Variants in PPP2R1A observed in about 807,000 individuals in gnomAD.
PPP2R1A encodes protein phosphatase 2 scaffold subunit Aalpha.
PPP2R1A carries 15 observed loss-of-function variants against 67.1 expected under a neutral mutation model. That is an observed-to-expected ratio of 0.22 (90% CI 0.15 to 0.34). The LOEUF is 0.34. PPP2R1A is among the 10% of genes least tolerant of loss of function. PPP2R1A has a pLI of 1.00. For synonymous variants in PPP2R1A, 337 were observed against 325.0 expected (o/e 1.04, Z -0.40); for missense variants, 369 against 775.0 (o/e 0.48, Z 6.22).
chr19:52,215,659 T>G (rs1978521557), intron 6 of PPP2R1A, 120 bp from the exon 7 acceptor site: 3 of 762,920 alleles, frequency 3.9e-6, no homozygotes, highest in Non-Finnish European at 6.6e-6. Flanking sequence ...ATTTTAGCAC[T>G]GCTTCCAAGG....
At position 52,213,288 on chromosome 19, in the gene PPP2R1A, A is replaced by G. The variant is rs953635172; in HGVS notation, c.807+178A>G. Among the ~76,000 whole-genome samples, 1 of 152,018 alleles carries G rather than the reference A, an allele frequency of 6.6e-6. No homozygotes were observed. On this transcript the variant is annotated intron_variant, in intron 6 of 14. Coordinates refer to ENST00000322088, the MANE Select transcript of PPP2R1A (RefSeq NM_014225.6). The surrounding 1 kb of genome is among the most constrained non-coding windows in gnomAD (Gnocchi z 4.2). ...CGTGTGCCAATCCTGGTTGATTGAC[A>G]TGGCATCTTAAAGTGCTGCCTTGAG...
At chr19:52,222,001 G>A in intron 12 of PPP2R1A, 98 bp from the exon 13 acceptor site, 1 of 1,278,190 alleles carries the variant, frequency 7.8e-7, no homozygotes, top group Non-Finnish European at 1.1e-6. Flanking sequence ...GCCTCTGTGG[G>A]GCCTGATGAT....
chr19:52,190,711 CG>C (rs372927606), intron 1 of PPP2R1A, among the ~76,000 whole-genome samples: 37 of 152,262 alleles, frequency 2.4e-4, no homozygotes, highest in African/African-American at 8.9e-4. Context: ...CCTAAGAGGA[CG>C]GGGACGCAAA....
chr19:52,225,233 G>C (rs1175180306), intron 13 of PPP2R1A, among the ~76,000 whole-genome samples: 1 of 151,906 alleles, frequency 6.6e-6, no homozygotes, highest in Admixed American at 6.6e-5. Context: ...GTTTGGCCAG[G>C]CTGGTCTCAA....
intron 3 of PPP2R1A, among the ~76,000 whole-genome samples, chr19:52,208,795 G>A (rs370246574): frequency 5.3e-5 from 8 of 152,288 alleles, no homozygotes; most frequent in Non-Finnish European, 7.3e-5. Context: ...CACCGCATCC[G>A]GCCAGCAGTT....
rs1379945844 is a variant in PPP2R1A, at chr19:52,190,064, G to C, written c.-33G>C. ...CCCCCCACGTTTCAGCACAGCGCTG[G>C]CCGCAGTCTGACAGGAAAGGGACGG... On this transcript the variant is annotated 5_prime_UTR_variant, in exon 1 of 15. Coordinates refer to ENST00000322088, the MANE Select transcript of PPP2R1A (RefSeq NM_014225.6). The C allele has an allele frequency of 1.3e-6, 2 of 1,531,774 alleles. No homozygotes were observed. The highest frequency in any genetic ancestry group is 1.8e-6 in the Non-Finnish European group (2 of 1,132,778). 94.9% of individuals were successfully genotyped at this position (1,531,774 alleles called of 1,614,324 possible). A position where few individuals can be genotyped will look rare whatever the true frequency, so the allele number is the denominator to read the frequency against.
chr19:52,199,044 A>T (rs1489298939), intron 1 of PPP2R1A, among the ~76,000 whole-genome samples: 1 of 152,318 alleles, frequency 6.6e-6, no homozygotes, highest in South Asian at 2.1e-4. Flanking sequence ...GCCCTAGCCC[A>T]TGTGTATATT....
chr19:52,196,184 CAGT>C (rs77782250), intron 1 of PPP2R1A, among the ~76,000 whole-genome samples: 10,232 of 152,156 alleles, frequency 0.067, 385 homozygotes, highest in Middle Eastern at 0.12. Context: ...GGGAGATAGT[CAGT>C]GCACAGGGAA....
In PPP2R1A at chr19:52,213,460, T is replaced by C. The variant is rs1049506205; in HGVS notation, c.807+350T>C. ...CAAAAAGGTGGGGTTTTTTGGTGTT[T>C]TTTTTTTTTTTTTTTTTTTTTTTTT... On this transcript the variant is annotated intron_variant, in intron 6 of 14. Coordinates refer to ENST00000322088, the MANE Select transcript of PPP2R1A (RefSeq NM_014225.6). The surrounding 1 kb of genome is among the most constrained non-coding windows in gnomAD (Gnocchi z 4.2). 1.5e-5 allele frequency among the ~76,000 whole-genome samples: 1 copy of C among 66,640 alleles called. No homozygotes were observed. Among genetic ancestry groups the C allele is most frequent in the Non-Finnish European group, 3.2e-5 (1 of 31,680 alleles). The allele number at this position is 66,640 out of a possible 152,430, so 43.7% of individuals were successfully genotyped here.
At chr19:52,195,340 T>A (rs528849295) in intron 1 of PPP2R1A, among the ~76,000 whole-genome samples, 3 of 152,156 alleles carry the variant, frequency 2.0e-5, no homozygotes, top group Non-Finnish European at 4.4e-5. Flanking sequence ...ATTCCTATTC[T>A]CTCACTTAAC....
rs765381658 is a variant in PPP2R1A, at chr19:52,226,857, G to C, written c.*876G>C. 2.0e-5 allele frequency: 3 copies of C among 152,222 alleles called. No homozygotes were observed. Among genetic ancestry groups the C allele is most frequent in the Non-Finnish European group, 2.9e-5 (2 of 68,050 alleles). The allele number at this position is 152,222 out of a possible 1,614,324, so 9.4% of individuals were successfully genotyped here. A position where few individuals can be genotyped will look rare whatever the true frequency, so the allele number is the denominator to read the frequency against. On this transcript the variant is annotated 3_prime_UTR_variant, in exon 15 of 15. Transcript: ENST00000322088. ...AAGTGAATTAGTACCTGGAAAGTGT[G>C]TAACAGTTTCAACATGAGAAGTACA...
chr19:52,219,581 T>A lies in PPP2R1A; in HGVS notation c.1129-110T>A. 1 of 1,139,882 alleles carries A rather than the reference T, an allele frequency of 8.8e-7. No individual in the cohort carries two copies. Among genetic ancestry groups the A allele is most frequent in the Non-Finnish European group, 1.2e-6 (1 of 815,178 alleles). 70.6% of individuals were successfully genotyped at this position (1,139,882 alleles called of 1,614,324 possible). On this transcript the variant is annotated intron_variant, in intron 9 of 14. Coordinates refer to ENST00000322088, the MANE Select transcript of PPP2R1A (RefSeq NM_014225.6). This position sits in a 1 kb window ranked among gnomAD's most constrained non-coding sequence, Gnocchi z 4.0. ...ACGGGGAGCTGGGCTTGGACAGGAG[T>A]AGTCCCTCGGGAGATGTCCATAAAA...
chr19:52,226,123 C>T lies in PPP2R1A; in HGVS notation c.*142C>T, dbSNP rs954930151. Reference sequence around the variant, plus strand: ...CAGGCCCCTTCCCCCAGCACGGTTCCTCCTCTCCCCAGCCTGGGAAGATGT... The same window carrying T: ...CAGGCCCCTTCCCCCAGCACGGTTCTTCCTCTCCCCAGCCTGGGAAGATGT... On this transcript the variant is annotated 3_prime_UTR_variant, in exon 15 of 15. Transcript: ENST00000322088. The T allele has an allele frequency of 3.1e-6, 4 of 1,279,442 alleles. No homozygotes were observed. Among genetic ancestry groups the T allele is most frequent in the Non-Finnish European group, 4.4e-6 (4 of 903,936 alleles). The allele number at this position is 1,279,442 out of a possible 1,614,324, so 79.3% of individuals were successfully genotyped here.
chr19:52,190,055 A>T lies in PPP2R1A; in HGVS notation c.-42A>T, dbSNP rs1241283997. ...AGCATTGCCCCCCCCACGTTTCAGCACAGCGCTGGCCGCAGTCTGACAGGA... is the reference window on the plus strand; with the variant it reads ...AGCATTGCCCCCCCCACGTTTCAGCTCAGCGCTGGCCGCAGTCTGACAGGA... On this transcript the variant is annotated 5_prime_UTR_variant, in exon 1 of 15. Coordinates refer to ENST00000322088, the MANE Select transcript of PPP2R1A (RefSeq NM_014225.6). 1.4e-6 allele frequency: 2 copies of T among 1,464,868 alleles called. No individual in the cohort carries two copies. Among genetic ancestry groups the T allele is most frequent in the African/African-American group, 2.9e-5 (2 of 68,040 alleles). 90.7% of individuals were successfully genotyped at this position (1,464,868 alleles called of 1,614,324 possible).
In PPP2R1A at chr19:52,219,849, C is replaced by G. The variant is rs1479541417; in HGVS notation, c.1287C>G (p.Leu429=). The G allele has an allele frequency of 1.9e-6, 3 of 1,611,362 alleles. No individual in the cohort carries two copies. Among genetic ancestry groups the G allele is most frequent in the African/African-American group, 1.3e-5 (1 of 75,058 alleles). ...VRLAIIEYMP[L]LAGQLGVEFF... ...TGGCCATCATTGAGTACATGCCCCT[C>G]CTGGCTGGACAGCTGGTGAGTGAGG... The change falls in exon 10 of 15, where the codon CTC becomes CTG. Residue 429 remains leucine (L), a synonymous_variant. Coordinates refer to ENST00000322088, the MANE Select transcript of PPP2R1A (RefSeq NM_014225.6). This position sits in a 1 kb window ranked among gnomAD's most constrained non-coding sequence, Gnocchi z 4.0.
rs952340073 is a variant in PPP2R1A at position 52,190,355 on chromosome 19, C to T, written c.78+181C>T. ...TGAGACGGCGCTCCCGATTGGGTGTCGGCCCAGTGGAGGGCGGGGGCCAGC... is the reference window on the plus strand; with the variant it reads ...TGAGACGGCGCTCCCGATTGGGTGTTGGCCCAGTGGAGGGCGGGGGCCAGC... On this transcript the variant is annotated intron_variant, in intron 1 of 14. Coordinates refer to ENST00000322088, the MANE Select transcript of PPP2R1A (RefSeq NM_014225.6). 23 of 710,558 alleles carry T rather than the reference C, an allele frequency of 3.2e-5. No homozygotes were observed. In the African/African-American group the frequency reaches 3.4e-4, roughly 11 times the overall value. 44.0% of individuals were successfully genotyped at this position (710,558 alleles called of 1,614,324 possible).
rs1002195602 is a variant in PPP2R1A at position 52,229,491 on chromosome 19, A to G, written c.*3510A>G. The stretch of plus-strand genomic sequence containing the variant: ...ACTTGTCAAAAAGAGAAAATCCAAT[A>G]AAGATTTAGTGCCAGGCCTTGACTC... On this transcript the variant is annotated 3_prime_UTR_variant, in exon 15 of 15. Coordinates refer to ENST00000322088, the MANE Select transcript of PPP2R1A (RefSeq NM_014225.6). 6.6e-6 allele frequency: 1 copy of G among 152,168 alleles called. No homozygotes were observed. The highest frequency in any genetic ancestry group is 2.4e-5 in the African/African-American group (1 of 41,410). The allele number at this position is 152,168 out of a possible 1,614,324, so 9.4% of individuals were successfully genotyped here.
chr19:52,220,914 A>T, intron 11 of PPP2R1A, 65 bp from the exon 12 acceptor site: 1 of 1,568,698 alleles, frequency 6.4e-7, no homozygotes, highest in South Asian at 1.1e-5. Flanking sequence ...AGTGTGACCT[A>T]CATTTTGCCC....
intron 7 of PPP2R1A, 35 bp downstream of exon 7, chr19:52,215,928 T>C (rs752679684): frequency 6.2e-7 from 1 of 1,611,560 alleles, no homozygotes; most frequent in African/African-American, 1.3e-5. Flanking sequence ...GCAAGTGGGG[T>C]GGGTATCCAA....
Sources: allele counts gnomAD v4.1 joint callset (sites outside exome capture counted in the v4.1 genomes callset), GRCh38; gene constraint gnomAD v4.1.1; non-coding constraint Gnocchi (gnomAD v3.1); transcripts MANE v1.5; gene names NCBI Gene and HGNC (gene_info 2026-07-23, HGNC 2026-07-21).